LMF1: variants seen among roughly 807,000 people sequenced by gnomAD.
LMF1 encodes transmembrane protein 112.
Under a neutral mutation model 60.6 loss-of-function variants are expected in LMF1, and 68 were observed. The ratio of observed to expected loss-of-function variants is 1.12; its 90% CI spans 0.92 to 1.37. The LOEUF (loss-of-function observed/expected upper bound fraction) is 1.37. Among genes scored for constraint, LMF1 ranks in the 40% most tolerant of loss-of-function variants. The pLI is 0.00. For synonymous variants in LMF1, 418 were observed against 324.7 expected (o/e 1.29, Z -3.09); for missense variants, 948 against 767.2 (o/e 1.24, Z -2.78).
chr16:934,324 A>T, intron 2 of LMF1, 70 bp from the exon 3 acceptor site: 2 of 1,584,800 alleles, frequency 1.3e-6, no homozygotes, highest in Non-Finnish European at 8.6e-7. Context: ...CTGTTTCCCC[A>T]CTGAGTGAAG....
rs1294336403 is a variant in LMF1, at chr16:874,245, G to A, written c.898-2904C>T. 6.6e-6 allele frequency among the ~76,000 whole-genome samples: 1 copy of A among 152,024 alleles called. No homozygotes were observed. Among genetic ancestry groups the A allele is most frequent in the Non-Finnish European group, 1.5e-5 (1 of 67,974 alleles). On this transcript the variant is annotated intron_variant, in intron 6 of 10. Coordinates refer to ENST00000262301, the MANE Select transcript of LMF1 (RefSeq NM_022773.4). This position sits in a 1 kb window ranked among gnomAD's most constrained non-coding sequence, Gnocchi z 4.1. ...CCGGTGAGCCCAGCTCTGGGACAGA[G>A]CCTCAGGACAGCCGGCCTGTGTGTG...
At position 874,806 on chromosome 16, in the gene LMF1, G is replaced by A. The variant is rs961046676; in HGVS notation, c.898-3465C>T. 3.0e-4 allele frequency among the ~76,000 whole-genome samples: 45 copies of A among 152,104 alleles called. 1 individual carries two copies. Among genetic ancestry groups the A allele is most frequent in the Admixed American group, 6.5e-5 (1 of 15,276 alleles). On this transcript the variant is annotated intron_variant, in intron 6 of 10. Transcript: ENST00000262301. The surrounding 1 kb of genome is among the most constrained non-coding windows in gnomAD (Gnocchi z 4.1). ...GGCGCTCAGAAGTCTCAGGGCACTC[G>A]GCTGTCACAGCGCGGCACAGGGGAG...
chr16:962,561 C>T lies in LMF1; in HGVS notation c.194-7895G>A, dbSNP rs2151487452. Among the ~76,000 whole-genome samples the T allele has an allele frequency of 6.6e-6, 1 of 152,302 alleles. No individual in the cohort carries two copies. Among genetic ancestry groups the T allele is most frequent in the Non-Finnish European group, 1.5e-5 (1 of 68,022 alleles). ...GTGTGACGGGAAGGGCCCCGCACCT[C>T]TGTGGGCGTCTTCCCAAAACCCATC... On this transcript the variant is annotated intron_variant, in intron 1 of 10. Transcript: ENST00000262301. The surrounding 1 kb of genome is among the most constrained non-coding windows in gnomAD (Gnocchi z 4.5).
rs532929193 is a variant in LMF1 at position 853,765 on chromosome 16, C to T, written c.*767G>A. 7.7e-5 allele frequency: 35 copies of T among 454,118 alleles called. 1 individual carries two copies. The highest frequency in any genetic ancestry group is 2.9e-4 in the South Asian group (19 of 64,482). 28.1% of individuals were successfully genotyped at this position (454,118 alleles called of 1,614,324 possible). A position where few individuals can be genotyped will look rare whatever the true frequency, so the allele number is the denominator to read the frequency against. ...CGACGATGATGAAAGTGTGCACGGC[C>T]GGCTGTCCTCCGATTGAGGGGCCTT... On this transcript the variant is annotated 3_prime_UTR_variant, in exon 11 of 11. Transcript: ENST00000262301.
At chr16:964,168 T>C (rs1480690987) in intron 1 of LMF1, 1 of 454,794 alleles carries the variant, frequency 2.2e-6, no homozygotes, top group African/African-American at 2.0e-5. Flanking sequence ...TGGCAGCCTG[T>C]GCCCGTAGCC....
intron 1 of LMF1, chr16:978,900 G>A (rs1053406955): frequency 2.3e-6 from 1 of 441,312 alleles, no homozygotes; most frequent in Non-Finnish European, 4.6e-6. Flanking sequence ...CTTCCCCAGG[G>A]AACACGCTGG....
chr16:889,860 C>T (rs1393584917), intron 5 of LMF1, among the ~76,000 whole-genome samples: 2 of 152,156 alleles, frequency 1.3e-5, no homozygotes, highest in Non-Finnish European at 2.9e-5. Flanking sequence ...GAGGGAGCAT[C>T]CTCGTCCGAG....
intron 2 of LMF1, 95 bp from the exon 3 acceptor site, chr16:934,349 C>T: frequency 3.3e-6 from 5 of 1,509,844 alleles, no homozygotes; most frequent in African/African-American, 1.4e-5. Context: ...CCCTGGCACC[C>T]AGCACGGTGT....
intron 10 of LMF1, among the ~76,000 whole-genome samples, chr16:857,821 G>GC (rs1416164847): frequency 1.6e-5 from 1 of 60,770 alleles, no homozygotes; most frequent in Non-Finnish European, 2.8e-5. Flanking sequence ...GGATGGGTGT[G>GC]AGTGGTGTCT....
chr16:884,746 C>T (rs1165553523), intron 5 of LMF1, among the ~76,000 whole-genome samples: 1 of 88,410 alleles, frequency 1.1e-5, no homozygotes, highest in Non-Finnish European at 2.3e-5. Flanking sequence ...ATGGAAACCT[C>T]GGTCTCCACG....
chr16:933,956 T>C, intron 3 of LMF1: 1 of 1,417,800 alleles, frequency 7.1e-7, no homozygotes, highest in South Asian at 1.2e-5. Flanking sequence ...TGTGGGTGCT[T>C]TCCCTCTGCC....
At chr16:920,295 A>G (rs1048836295) in intron 3 of LMF1, among the ~76,000 whole-genome samples, 1 of 152,160 alleles carries the variant, frequency 6.6e-6, no homozygotes, top group Admixed American at 6.5e-5. Context: ...CCCTCTCTAC[A>G]CACCACACCC....
exon 1 of LMF1, chr16:981,180 G>A (rs1008439641): frequency 6.6e-6 from 3 of 455,010 alleles, no homozygotes; most frequent in Non-Finnish European, 8.8e-6. Context: ...TGGACGAGCT[G>A]GGCCTGGGCG....
intron 4 of LMF1, chr16:904,048 C>T (rs2070900728): frequency 5.8e-6 from 1 of 171,414 alleles, no homozygotes; most frequent in South Asian, 9.9e-5. Flanking sequence ...CCTGTCTCTG[C>T]TGCGTGGTGG....
chr16:906,565 C>T (rs1217521994), intron 4 of LMF1, among the ~76,000 whole-genome samples: 1 of 152,134 alleles, frequency 6.6e-6, no homozygotes, highest in African/African-American at 2.4e-5. Flanking sequence ...TGCTCCTCAG[C>T]TTGCGGGCAA....
Position 970,855 on chromosome 16 carries a change from G to A in LMF1, c.126C>T (p.Ala42=), listed in dbSNP as rs977889859. 8 of 1,558,308 alleles carry A rather than the reference G, an allele frequency of 5.1e-6. No individual in the cohort carries two copies. In the African/African-American group the frequency reaches 6.9e-5, roughly 13 times the overall value. The part of the protein sequence containing the change: ...APGRGPAGSP[A]HLHTGTFWLT... The stretch of plus-strand genomic sequence containing the variant: ...GCCAGAAGGTGCCCGTGTGGAGATG[G>A]GCCGGAGAGCCTGCGGGGCCACGCC... Residue 42 remains alanine, a synonymous_variant, in exon 1 of 11, where the codon GCC becomes GCT. Coordinates refer to ENST00000262301, the MANE Select transcript of LMF1 (RefSeq NM_022773.4).
chr16:876,597 T>C (rs2069987761), intron 6 of LMF1, among the ~76,000 whole-genome samples: 1 of 152,142 alleles, frequency 6.6e-6, no homozygotes, highest in African/African-American at 2.4e-5. Flanking sequence ...TCCGAAAATC[T>C]AAAAGTGTTC....
chr16:857,113 C>T lies in LMF1; in HGVS notation c.1530-2407G>A, dbSNP rs58579217. Among the ~76,000 whole-genome samples, 785 of 152,390 alleles carry T rather than the reference C, an allele frequency of 5.2e-3. 8 individuals carry two copies. Among genetic ancestry groups the T allele is most frequent in the African/African-American group, 0.018 (750 of 41,596 alleles). ...TGATGGAGGCTTCCTTCCTCCTCGTCGCTGACCGGCGTCTGCGGCGTGAGT... is the reference window on the plus strand; with the variant it reads ...TGATGGAGGCTTCCTTCCTCCTCGTTGCTGACCGGCGTCTGCGGCGTGAGT... On this transcript the variant is annotated intron_variant, in intron 10 of 10. Coordinates refer to ENST00000262301, the MANE Select transcript of LMF1 (RefSeq NM_022773.4).
intron 10 of LMF1, among the ~76,000 whole-genome samples, chr16:863,443 C>CT (rs61444832): frequency 0.11 from 16,051 of 152,206 alleles, 2,679 homozygotes; most frequent in African/African-American, 0.35. Context: ...CACCCAACCT[C>CT]TTTTTTCATC....
Sources: allele counts gnomAD v4.1 joint callset (sites outside exome capture counted in the v4.1 genomes callset), GRCh38; gene constraint gnomAD v4.1.1; non-coding constraint Gnocchi (gnomAD v3.1); transcripts MANE v1.5; gene names NCBI Gene and HGNC (gene_info 2026-07-23, HGNC 2026-07-21).